Variants in PIEZO2 observed in about 807,000 individuals in gnomAD.
PIEZO2 encodes the protein piezo-type mechanosensitive ion channel component 2.
In PIEZO2, 172 loss-of-function variants were observed where a neutral mutation model predicts 337.3. The observed-to-expected ratio is 0.51, with a 90% CI of 0.45 to 0.58. The LOEUF is 0.58. Among genes scored for constraint, PIEZO2 ranks in the 20% least tolerant of loss-of-function variants. The probability of loss-of-function intolerance (pLI) is 0.00; values close to 1 mark genes in which losing one functional copy is unlikely to be tolerated. For missense variants in PIEZO2, 3,028 were observed against 3,391.3 expected, an observed-to-expected ratio of 0.89 and a Z score of 2.66; for synonymous variants, 1,251 against 1,228.5, an observed-to-expected ratio of 1.02 and a Z score of -0.38.
chr18:11,049,612 G>A lies in PIEZO2; in HGVS notation c.160+16515C>T, dbSNP rs1168427045. On this transcript the variant is annotated intron_variant, in intron 2 of 55. Transcript: ENST00000674853. ...AGCTGTCATAATTCCCACATGTTGTGGGAGGGACGTGGTGGAAGGTAACTG... is the reference window on the plus strand; with the variant it reads ...AGCTGTCATAATTCCCACATGTTGTAGGAGGGACGTGGTGGAAGGTAACTG... Among the ~76,000 whole-genome samples, 7 of 152,166 alleles carry A rather than the reference G, an allele frequency of 4.6e-5. No homozygotes were observed. The East Asian group carries it at 1.2e-3, about 25-fold the overall frequency.
At chr18:11,039,354 C>T (rs192498187) in intron 2 of PIEZO2, among the ~76,000 whole-genome samples, 52 of 152,120 alleles carry the variant, frequency 3.4e-4, no homozygotes, top group Non-Finnish European at 6.5e-4. Flanking sequence ...GCAGAAAGGG[C>T]GGAAAAAAGC....
chr18:10,684,847 T>G (rs996652602), intron 49 of PIEZO2, among the ~76,000 whole-genome samples: 1 of 152,168 alleles, frequency 6.6e-6, no homozygotes, highest in Admixed American at 6.5e-5. Context: ...CAACTCTTTC[T>G]TTTTTATTTT....
At position 10,775,906 on chromosome 18, in the gene PIEZO2, G is replaced by C. The variant is rs2038768102; in HGVS notation, c.2535-1868C>G. Among the ~76,000 whole-genome samples, 1 of 106,158 alleles carries C rather than the reference G, an allele frequency of 9.4e-6. No homozygotes were observed. Among genetic ancestry groups the C allele is most frequent in the African/African-American group, 3.4e-5 (1 of 29,090 alleles). 69.6% of individuals were successfully genotyped at this position (106,158 alleles called of 152,430 possible). A position where few individuals can be genotyped will look rare whatever the true frequency, so the allele number is the denominator to read the frequency against. On this transcript the variant is annotated intron_variant, in intron 18 of 55. Transcript: ENST00000674853. This position sits in a 1 kb window ranked among gnomAD's most constrained non-coding sequence, Gnocchi z 4.3. Reference sequence around the variant, plus strand: ...AGTCTAACCTCATGAGCTTGTAATGGATGACAAAAAAAGAAAAAAAAAAAG... The same window carrying C: ...AGTCTAACCTCATGAGCTTGTAATGCATGACAAAAAAAGAAAAAAAAAAAG...
chr18:10,960,009 C>A (rs116730222), intron 3 of PIEZO2, among the ~76,000 whole-genome samples: 2,804 of 152,104 alleles, frequency 0.018, 103 homozygotes, highest in African/African-American at 0.063. Context: ...TATATATAGA[C>A]GTTCATCTTT....
chr18:10,707,431 GCACCGAGATA>G lies in PIEZO2; in HGVS notation c.5588+834_5588+843del, dbSNP rs1038671696. ...CCAGGTGTCAGCATACTGCAGGGAT[GCACCGAGATA>G]CACGGCTGCCAGTGAAAAGAAGATG... On this transcript the variant is annotated intron_variant, in intron 40 of 55. Coordinates refer to ENST00000674853, the MANE Select transcript of PIEZO2 (RefSeq NM_001378183.1). The surrounding 1 kb of genome is among the most constrained non-coding windows in gnomAD (Gnocchi z 4.2). Among the ~76,000 whole-genome samples the G allele has an allele frequency of 6.6e-5, 10 of 151,816 alleles. No homozygotes were observed. Among genetic ancestry groups the G allele is most frequent in the Admixed American group, 4.6e-4 (7 of 15,256 alleles).
intron 36 of PIEZO2, among the ~76,000 whole-genome samples, chr18:10,723,380 T>C (rs1295212796): frequency 6.6e-6 from 1 of 152,008 alleles, no homozygotes; most frequent in African/African-American, 2.4e-5. Flanking sequence ...AAAAGGCTAA[T>C]TGGAGTGGAT....
chr18:10,749,725 A>G (rs2037573891), intron 29 of PIEZO2, among the ~76,000 whole-genome samples: 1 of 152,152 alleles, frequency 6.6e-6, no homozygotes, highest in Non-Finnish European at 1.5e-5. Context: ...CTGAAGTCAG[A>G]GTTACTTGAT....
chr18:11,018,388 T>C (rs1250497762), intron 2 of PIEZO2, among the ~76,000 whole-genome samples: 1 of 86,070 alleles, frequency 1.2e-5, no homozygotes, highest in African/African-American at 5.1e-5. Context: ...ATGTCGTGTG[T>C]GTGTGTGTGT....
chr18:10,736,295 T>TGC (rs36017707), intron 34 of PIEZO2, among the ~76,000 whole-genome samples: 1 of 151,942 alleles, frequency 6.6e-6, no homozygotes, highest in Non-Finnish European at 1.5e-5. Context: ...CTTTTTCACT[T>TGC]TGCTTGCAAG....
chr18:10,744,974 T>C (rs917627917), intron 30 of PIEZO2, among the ~76,000 whole-genome samples: 77 of 152,356 alleles, frequency 5.1e-4, no homozygotes, highest in African/African-American at 1.7e-3. Context: ...CCCGCCTCCT[T>C]GGAAAGTCTT....
chr18:11,086,660 T>G (rs1385228599), intron 1 of PIEZO2, among the ~76,000 whole-genome samples: 3 of 152,166 alleles, frequency 2.0e-5, no homozygotes, highest in Non-Finnish European at 4.4e-5. Context: ...CTGAAGGAAT[T>G]GATAGATATG....
intron 1 of PIEZO2, among the ~76,000 whole-genome samples, chr18:11,142,946 GCAC>G (rs2040698505): frequency 1.3e-5 from 2 of 152,134 alleles, no homozygotes; most frequent in Non-Finnish European, 2.9e-5. Context: ...GGGTGTGGTG[GCAC>G]GCACCTGTAG....
At chr18:10,802,079 C>G (rs2039840519) in intron 9 of PIEZO2, among the ~76,000 whole-genome samples, 1 of 111,096 alleles carries the variant, frequency 9.0e-6, no homozygotes, top group East Asian at 2.4e-4. Context: ...GAGCGAGACT[C>G]CGTCTCAAAA....
intron 36 of PIEZO2, chr18:10,728,185 TAGAA>T (rs1191798152): frequency 3.9e-5 from 6 of 152,736 alleles, no homozygotes; most frequent in Admixed American, 3.9e-4. Context: ...TTGTCATCCT[TAGAA>T]AGAAAAATGA....
Position 11,129,813 on chromosome 18 carries a change from G to A in PIEZO2, c.64+18712C>T, listed in dbSNP as rs532698469. On this transcript the variant is annotated intron_variant, in intron 1 of 55. Coordinates refer to ENST00000674853, the MANE Select transcript of PIEZO2 (RefSeq NM_001378183.1). This position sits in a 1 kb window ranked among gnomAD's most constrained non-coding sequence, Gnocchi z 4.6. ...GATCCAGGGGACCCAAAATGTCATC[G>A]TGGTACTTCAGTTAAAGTAGGGGCT... is the stretch of plus-strand genomic sequence containing the variant. 6.6e-6 allele frequency among the ~76,000 whole-genome samples: 1 copy of A among 152,286 alleles called. No individual in the cohort carries two copies. The highest frequency in any genetic ancestry group is 2.1e-4 in the South Asian group (1 of 4,828).
In PIEZO2 at chr18:10,953,115, A is replaced by C. The variant is rs1250935585; in HGVS notation, c.286+26420T>G. Among the ~76,000 whole-genome samples the C allele has an allele frequency of 2.0e-5, 3 of 152,206 alleles. No homozygotes were observed. Among genetic ancestry groups the C allele is most frequent in the Non-Finnish European group, 4.4e-5 (3 of 68,032 alleles). ...TGTTTCCTTAGTATTGAGTTTTAAGAGTTCTTCATAAATACTGGATACAAG... is the reference window on the plus strand; with the variant it reads ...TGTTTCCTTAGTATTGAGTTTTAAGCGTTCTTCATAAATACTGGATACAAG... On this transcript the variant is annotated intron_variant, in intron 3 of 55. Transcript: ENST00000674853. The surrounding 1 kb of genome is among the most constrained non-coding windows in gnomAD (Gnocchi z 5.2).
chr18:10,887,279 C>T lies in PIEZO2; in HGVS notation c.330-15864G>A, dbSNP rs140973687. On this transcript the variant is annotated intron_variant, in intron 4 of 55. Coordinates refer to ENST00000674853, the MANE Select transcript of PIEZO2 (RefSeq NM_001378183.1). ...AGAGACAGGATTTCACCTTGTTAGCCACAATGGTCTCAATCTCCTGACCTC... is the reference window on the plus strand; with the variant it reads ...AGAGACAGGATTTCACCTTGTTAGCTACAATGGTCTCAATCTCCTGACCTC... 2.2e-4 allele frequency among the ~76,000 whole-genome samples: 33 copies of T among 151,858 alleles called. 1 individual carries two copies. The East Asian group carries it at 6.0e-3, about 28-fold the overall frequency.
At chr18:11,023,948 G>T (rs1299154343) in intron 2 of PIEZO2, among the ~76,000 whole-genome samples, 4 of 152,322 alleles carry the variant, frequency 2.6e-5, no homozygotes, top group East Asian at 1.9e-4. Context: ...TGAGTGCGGG[G>T]CCGCCGAGCC....
Position 10,986,361 on chromosome 18 carries a change from A to G in PIEZO2, c.161-6701T>C, listed in dbSNP as rs893001732. On this transcript the variant is annotated intron_variant, in intron 2 of 55. Coordinates refer to ENST00000674853, the MANE Select transcript of PIEZO2 (RefSeq NM_001378183.1). ...ACAATATACTAGCAAACTGAATTCAATGACACATTAAAAGGATTATATACC... is the reference window on the plus strand; with the variant it reads ...ACAATATACTAGCAAACTGAATTCAGTGACACATTAAAAGGATTATATACC... Among the ~76,000 whole-genome samples the G allele has an allele frequency of 8.5e-5, 13 of 152,144 alleles. No homozygotes were observed. The East Asian group carries it at 2.1e-3, about 25-fold the overall frequency.
Sources: allele counts gnomAD v4.1 joint callset (sites outside exome capture counted in the v4.1 genomes callset), GRCh38; gene constraint gnomAD v4.1.1; non-coding constraint Gnocchi (gnomAD v3.1); transcripts MANE v1.5; gene names NCBI Gene and HGNC (gene_info 2026-07-23, HGNC 2026-07-21).